The following ZDHHC7 variants were observed in gnomAD, a reference collection of about 807,000 sequenced individuals.
ZDHHC7 encodes palmitoyltransferase ZDHHC7.
A neutral mutation model predicts 34.1 loss-of-function variants in ZDHHC7; 12 were observed. That is an observed-to-expected ratio of 0.35 (90% CI 0.23 to 0.57). ZDHHC7 has a LOEUF of 0.57. Among genes scored for constraint, ZDHHC7 ranks in the 20% least tolerant of loss-of-function variants. ZDHHC7 has a pLI of 0.84. For missense variants in ZDHHC7, 388 were observed against 402.7 expected (o/e 0.96, Z 0.31); for synonymous variants, 185 against 155.4 (o/e 1.19, Z -1.42).
chr16:84,994,600 G>A (rs2072552346), intron 2 of ZDHHC7, among the ~76,000 whole-genome samples: 1 of 152,190 alleles, frequency 6.6e-6, no homozygotes, highest in South Asian at 2.1e-4. Context: ...GTCCTGGTAA[G>A]ACCTCCACGG....
the ZDHHC7 span, among the ~76,000 whole-genome samples, chr16:85,026,257 T>A: frequency 6.6e-6 from 1 of 152,206 alleles, no homozygotes; most frequent in African/African-American, 2.4e-5. Flanking sequence ...TCCATCCTCC[T>A]CCATTCCCAT....
chr16:84,989,177 T>C (rs140894153), intron 3 of ZDHHC7, among the ~76,000 whole-genome samples: 78 of 152,318 alleles, frequency 5.1e-4, no homozygotes, highest in African/African-American at 1.9e-3. Flanking sequence ...CTGGCAGACT[T>C]TGCTTCCAAG....
chr16:84,993,215 G>T (rs893951030), intron 2 of ZDHHC7, among the ~76,000 whole-genome samples: 1 of 152,058 alleles, frequency 6.6e-6, no homozygotes, highest in African/African-American at 2.4e-5. Flanking sequence ...CCCCTACTAG[G>T]GAGGCTGAGG....
chr16:84,997,677 A>G (rs1428825496), intron 1 of ZDHHC7, among the ~76,000 whole-genome samples: 10 of 148,732 alleles, frequency 6.7e-5, no homozygotes, highest in Admixed American at 4.0e-4. Context: ...GGCGGATCAC[A>G]AGGTCAGGAG....
At chr16:84,984,506 C>T (rs1248218672) in intron 3 of ZDHHC7, among the ~76,000 whole-genome samples, 1 of 152,138 alleles carries the variant, frequency 6.6e-6, no homozygotes, top group Non-Finnish European at 1.5e-5. Context: ...TGCACTTTTC[C>T]ACAGCAGCAG....
chr16:84,998,979 T>C (rs190781981), intron 1 of ZDHHC7, among the ~76,000 whole-genome samples: 1 of 152,316 alleles, frequency 6.6e-6, no homozygotes, highest in East Asian at 1.9e-4. Flanking sequence ...GGTCTCGAAC[T>C]CCTGACCTCA....
At chr16:85,013,683 G>GT (rs935274036), upstream of ZDHHC7, among the ~76,000 whole-genome samples, 5 of 151,620 alleles carry the variant, frequency 3.3e-5, no homozygotes, top group South Asian at 1.0e-3. Flanking sequence ...ATTAATTTGT[G>GT]TTTTTTTGTT....
At chr16:84,985,647 A>G (rs762382943) in intron 3 of ZDHHC7, among the ~76,000 whole-genome samples, 10 of 152,134 alleles carry the variant, frequency 6.6e-5, no homozygotes, top group African/African-American at 1.7e-4. Context: ...GATTCAAGGG[A>G]AAAAAATTAT....
At chr16:84,991,800 T>C (rs1462983423) in intron 2 of ZDHHC7, among the ~76,000 whole-genome samples, 1 of 152,222 alleles carries the variant, frequency 6.6e-6, no homozygotes, top group Non-Finnish European at 1.5e-5. Flanking sequence ...GCCCAGCCTT[T>C]CCTTCATTTA....
At chr16:85,005,605 G>C (rs1177266895) in intron 1 of ZDHHC7, among the ~76,000 whole-genome samples, 3 of 152,118 alleles carry the variant, frequency 2.0e-5, no homozygotes, top group Admixed American at 6.6e-5. Flanking sequence ...CTGGCTTCCA[G>C]AGCACTCAGT....
chr16:85,001,440 C>T (rs907824887), intron 1 of ZDHHC7, among the ~76,000 whole-genome samples: 50 of 128,050 alleles, frequency 3.9e-4, no homozygotes, highest in Non-Finnish European at 6.5e-4. Flanking sequence ...CACTGCACTC[C>T]AGCCTGGGCA....
In ZDHHC7 at chr16:84,990,427, C is replaced by G. The variant is rs1434145077; in HGVS notation, c.192G>C (p.Val64=). The G allele has an allele frequency of 6.2e-7, 1 of 1,614,020 alleles. No homozygotes were observed. Among genetic ancestry groups the G allele is most frequent in the Non-Finnish European group, 8.5e-7 (1 of 1,180,026 alleles). ...AAGGCAGCAGCATGACGAAAGTCAC[C>G]ACGAAGTCTGCATAGGCGACCAGAA... ...TWLLVAYADF[V]VTFVMLLPSK... Residue 64 remains valine (V), a synonymous_variant, in exon 3 of 8, where the codon GTG becomes GTC. Transcript: ENST00000313732.
chr16:84,976,085 G>A lies in ZDHHC7; in HGVS notation c.*258C>T, dbSNP rs533458510. 1.0e-5 allele frequency: 5 copies of A among 499,262 alleles called. No homozygotes were observed. The East Asian group carries it at 1.5e-4, about 15-fold the overall frequency. The allele number at this position is 499,262 out of a possible 1,614,324, so 30.9% of individuals were successfully genotyped here. On this transcript the variant is annotated 3_prime_UTR_variant, in exon 8 of 8. Transcript: ENST00000313732. ...ATAACCCGAAGTATTCTCCACAGAA[G>A]CCCCAGCTCTGCAGGAGGCCACGGC...
intron 1 of ZDHHC7, among the ~76,000 whole-genome samples, chr16:85,005,695 C>G (rs9923754): frequency 0.17 from 25,259 of 152,140 alleles, 2,144 homozygotes; most frequent in Middle Eastern, 0.21. Flanking sequence ...TCAGTGAACT[C>G]TAAAAGCTGG....
chr16:85,021,933 G>A, the ZDHHC7 span, among the ~76,000 whole-genome samples: 1 of 151,686 alleles, frequency 6.6e-6, no homozygotes, highest in East Asian at 2.0e-4. Flanking sequence ...GAGGCGGTTG[G>A]ATCACGAGGT....
chr16:84,978,351 T>G (rs1279760126), intron 5 of ZDHHC7, among the ~76,000 whole-genome samples: 5 of 152,178 alleles, frequency 3.3e-5, no homozygotes, highest in African/African-American at 1.2e-4. Flanking sequence ...TACCTCCATC[T>G]TGTCAGAGAA....
At chr16:84,991,717 G>A (rs536464475) in intron 2 of ZDHHC7, among the ~76,000 whole-genome samples, 7 of 150,098 alleles carry the variant, frequency 4.7e-5, no homozygotes, top group South Asian at 2.1e-4. Flanking sequence ...TGCCTGGGCT[G>A]CTCTGGAACT....
intron 2 of ZDHHC7, among the ~76,000 whole-genome samples, chr16:84,991,086 G>T (rs983031701): frequency 6.6e-6 from 1 of 152,184 alleles, no homozygotes; most frequent in Non-Finnish European, 1.5e-5. Flanking sequence ...GCAGCATGAT[G>T]AAAGAATGAC....
intron 7 of ZDHHC7, among the ~76,000 whole-genome samples, 189 bp from the exon 8 acceptor site, chr16:84,976,708 G>A (rs755382315): frequency 3.3e-5 from 5 of 152,318 alleles, no homozygotes; most frequent in East Asian, 1.9e-4. Context: ...CTGCAGCCAC[G>A]TGGCCAGCCC....
Sources: allele counts gnomAD v4.1 joint callset (sites outside exome capture counted in the v4.1 genomes callset), GRCh38; gene constraint gnomAD v4.1.1; transcripts MANE v1.5; gene names NCBI Gene and HGNC (gene_info 2026-07-23, HGNC 2026-07-21).